RARB: variants seen among roughly 807,000 people sequenced by gnomAD.
RARB encodes retinoic acid receptor beta.
Under a neutral mutation model 51.9 loss-of-function variants are expected in RARB, and 17 were observed. The observed-to-expected ratio is 0.33, with a 90% confidence interval of 0.22 to 0.49. The LOEUF (loss-of-function observed/expected upper bound fraction) is 0.49, where lower values mean the gene tolerates loss of function less well. RARB is among the 20% of genes least tolerant of loss of function. The probability of loss-of-function intolerance (pLI) is 0.99; values close to 1 mark genes in which losing one functional copy is unlikely to be tolerated. For synonymous variants in RARB, 215 were observed against 195.4 expected (o/e 1.10, Z -0.84); for missense variants, 369 against 550.8 (o/e 0.67, Z 3.30).
intron 5 of RARB, among the ~76,000 whole-genome samples, chr3:25,187,856 TAATA>T (rs1341709164): frequency 2.6e-5 from 4 of 152,142 alleles, no homozygotes; most frequent in Non-Finnish European, 5.9e-5. Flanking sequence ...AATTTATTCA[TAATA>T]AATAAATGTT....
intron 2 of RARB, among the ~76,000 whole-genome samples, chr3:24,860,290 G>A (rs1702724734): frequency 6.6e-6 from 1 of 152,068 alleles, no homozygotes; most frequent in Non-Finnish European, 1.5e-5. Flanking sequence ...TTGCATTTGG[G>A]ACATTCTGCC....
intron 3 of RARB, among the ~76,000 whole-genome samples, chr3:25,111,917 A>G (rs1180583853): frequency 2.0e-5 from 3 of 152,066 alleles, no homozygotes; most frequent in Non-Finnish European, 2.9e-5. Context: ...TACTCTTATA[A>G]TAAACCTTTG....
chr3:25,259,993 C>A, intron 5 of RARB: 2 of 985,232 alleles, frequency 2.0e-6, no homozygotes, highest in Non-Finnish European at 2.4e-6. Flanking sequence ...GCCTTTTACT[C>A]TCCTCAGTTT....
chr3:25,443,083 G>C (rs1289604308), intron 1 of RARB, among the ~76,000 whole-genome samples: 1 of 152,188 alleles, frequency 6.6e-6, no homozygotes, highest in East Asian at 1.9e-4. Flanking sequence ...TCATAACCCA[G>C]AGTGCGGCAC....
chr3:25,154,050 CT>C (rs1221516472), intron 4 of RARB, among the ~76,000 whole-genome samples: 2 of 152,192 alleles, frequency 1.3e-5, no homozygotes, highest in Non-Finnish European at 2.9e-5. Context: ...ATGCTTTTCA[CT>C]TTTATTATGC....
chr3:24,878,012 G>A (rs1559380016), intron 2 of RARB, among the ~76,000 whole-genome samples: 1 of 152,146 alleles, frequency 6.6e-6, no homozygotes, highest in African/African-American at 2.4e-5. Flanking sequence ...GACATAAAGG[G>A]ATAATAAAAG....
chr3:24,912,972 A>ATTTTTTTTTTTTTTTTTTTT (rs71622787), intron 2 of RARB, among the ~76,000 whole-genome samples: 24 of 57,654 alleles, frequency 4.2e-4, no homozygotes, highest in Non-Finnish European at 6.9e-4. Flanking sequence ...CAAGGTACTG[A>ATTTTTTTTTTTTTTTTTTTT]TTCTTTTTTT....
chr3:25,257,572 A>G (rs1378754225), intron 5 of RARB, among the ~76,000 whole-genome samples: 1 of 152,054 alleles, frequency 6.6e-6, no homozygotes, highest in Non-Finnish European at 1.5e-5. Flanking sequence ...AATAGTCCAG[A>G]TATGGAGTCA....
At position 25,175,625 on chromosome 3, in the gene RARB, A is replaced by T. The variant is rs1389456510; in HGVS notation, c.178+1050A>T. Among the ~76,000 whole-genome samples the T allele has an allele frequency of 2.0e-5, 3 of 152,272 alleles. No homozygotes were observed. The East Asian group carries it at 5.8e-4, about 29-fold the overall frequency. ...ACATTGCCTTCAAAAATAGTAGGGG[A>T]TGGGTGTTTGGATGGACGAACAGAC... On this transcript the variant is annotated intron_variant, in intron 5 of 11. Transcript: ENST00000383772.
At chr3:25,355,804 T>A (rs1050269475) in intron 5 of RARB, among the ~76,000 whole-genome samples, 1 of 152,140 alleles carries the variant, frequency 6.6e-6, no homozygotes, top group Non-Finnish European at 1.5e-5. Flanking sequence ...GCATGCAAAT[T>A]GTATCCTAAG....
At chr3:24,913,152 G>T (rs568547589) in intron 2 of RARB, among the ~76,000 whole-genome samples, 7 of 151,000 alleles carry the variant, frequency 4.6e-5, no homozygotes, top group Admixed American at 4.6e-4. Flanking sequence ...GGCTAATTTT[G>T]TTTTTGTATT....
At chr3:25,143,459 A>C (rs569614858) in intron 4 of RARB, among the ~76,000 whole-genome samples, 3 of 152,292 alleles carry the variant, frequency 2.0e-5, no homozygotes, top group South Asian at 2.1e-4. Context: ...GGCCCACCCG[A>C]TCCAAAAGAT....
At position 25,596,618 on chromosome 3, in the gene RARB, A is replaced by T; in HGVS notation, c.*2A>T. 6.3e-7 allele frequency: 1 copy of T among 1,578,692 alleles called. No individual in the cohort carries two copies. The highest frequency in any genetic ancestry group is 8.7e-7 in the Non-Finnish European group (1 of 1,152,820). ...AGTCAGTCACCACTCGTGCAATAAG[A>T]CATTTTCTAGCTACTTCAAACATTC... is the stretch of plus-strand genomic sequence containing the variant. On this transcript the variant is annotated 3_prime_UTR_variant, in exon 8 of 8. Coordinates refer to ENST00000330688, the MANE Select transcript of RARB (RefSeq NM_000965.5).
At chr3:25,170,809 AAAAT>A (rs913364592) in intron 4 of RARB, among the ~76,000 whole-genome samples, 46 of 152,296 alleles carry the variant, frequency 3.0e-4, no homozygotes, top group African/African-American at 1.1e-3. Flanking sequence ...GAAAAATAGA[AAAAT>A]AAATTATTTT....
chr3:25,146,423 T>G (rs749006148), intron 4 of RARB, among the ~76,000 whole-genome samples: 1 of 151,636 alleles, frequency 6.6e-6, no homozygotes, highest in African/African-American at 2.4e-5. Flanking sequence ...CAGGGTTATA[T>G]CCCAATAAAA....
At chr3:24,837,599 T>C (rs1702361158) in intron 1 of RARB, among the ~76,000 whole-genome samples, 1 of 152,198 alleles carries the variant, frequency 6.6e-6, no homozygotes, top group Non-Finnish European at 1.5e-5. Context: ...ATTGAAGAGG[T>C]TCAGATTCTA....
At chr3:25,048,299 A>C (rs1289543536) in intron 2 of RARB, among the ~76,000 whole-genome samples, 4 of 152,194 alleles carry the variant, frequency 2.6e-5, no homozygotes, top group Non-Finnish European at 4.4e-5. Flanking sequence ...CTAAGTTACC[A>C]ATCTGGATTT....
At chr3:25,179,571 C>T (rs976145256) in intron 5 of RARB, among the ~76,000 whole-genome samples, 2 of 152,158 alleles carry the variant, frequency 1.3e-5, no homozygotes, top group Admixed American at 6.5e-5. Context: ...GAAAGTAAGA[C>T]ACTTCTTGGG....
chr3:25,384,637 C>T (rs1706740796), intron 5 of RARB, among the ~76,000 whole-genome samples: 2 of 152,258 alleles, frequency 1.3e-5, no homozygotes, highest in East Asian at 1.9e-4. Flanking sequence ...AGGCTGACAT[C>T]CTCCTCACCT....
Sources: gnomAD v4.1 joint callset for allele counts (sites outside exome capture counted in the v4.1 genomes callset) on GRCh38, gnomAD v4.1.1 for gene constraint, MANE v1.5 for transcripts, NCBI Gene and HGNC (gene_info 2026-07-23, HGNC 2026-07-21) for gene names.